The following KCNQ3 variants were observed in gnomAD, a reference collection of about 807,000 sequenced individuals.
KCNQ3 encodes the protein potassium voltage-gated channel subfamily KQT member 3.
Under a neutral mutation model 92.5 loss-of-function variants are expected in KCNQ3, and 30 were observed. That is an observed-to-expected ratio of 0.32 (90% CI 0.24 to 0.44). KCNQ3 has a LOEUF of 0.44. Ranked by LOEUF, KCNQ3 falls within the 20% of genes least tolerant of loss-of-function variation. The pLI, the probability that KCNQ3 is intolerant of heterozygous loss-of-function variation, is 1.00. For missense variants in KCNQ3, 913 were observed against 1,140.3 expected (o/e 0.80, Z 2.87); for synonymous variants, 450 against 468.8 (o/e 0.96, Z 0.52).
Position 132,277,854 on chromosome 8 carries a change from T to G in KCNQ3, c.387-91673A>C, listed in dbSNP as rs571422982. 19 of 724,336 alleles carry G rather than the reference T, an allele frequency of 2.6e-5. No individual in the cohort carries two copies. In the South Asian group the frequency reaches 1.1e-3, roughly 40 times the overall value. 44.9% of individuals were successfully genotyped at this position (724,336 alleles called of 1,614,324 possible). A position where few individuals can be genotyped will look rare whatever the true frequency, so the allele number is the denominator to read the frequency against. ...GAATCTTGCTCTCTAGAAACCAGGTTGTTGGAAGGTTTTTTCTTCTTTTTA... is the reference window on the plus strand; with the variant it reads ...GAATCTTGCTCTCTAGAAACCAGGTGGTTGGAAGGTTTTTTCTTCTTTTTA... On this transcript the variant is annotated intron_variant, in intron 1 of 14. Coordinates refer to ENST00000388996, the MANE Select transcript of KCNQ3 (RefSeq NM_004519.4).
chr8:132,339,064 G>C (rs1217970356), intron 1 of KCNQ3, among the ~76,000 whole-genome samples: 3 of 152,074 alleles, frequency 2.0e-5, no homozygotes, highest in Non-Finnish European at 4.4e-5. Flanking sequence ...GGATAAGATG[G>C]CATGGGAATT....
intron 1 of KCNQ3, among the ~76,000 whole-genome samples, chr8:132,313,242 C>T (rs1817646573): frequency 6.6e-6 from 1 of 152,136 alleles, no homozygotes; most frequent in Non-Finnish European, 1.5e-5. Context: ...AAAGAATGTG[C>T]TACAGAAGCC....
At chr8:132,187,665 G>A (rs973391614) in intron 1 of KCNQ3, among the ~76,000 whole-genome samples, 2 of 151,594 alleles carry the variant, frequency 1.3e-5, no homozygotes. Flanking sequence ...TGATGATAGT[G>A]GTGGTGGTGG....
intron 1 of KCNQ3, among the ~76,000 whole-genome samples, chr8:132,398,696 T>C (rs1451207209): frequency 6.6e-6 from 1 of 151,932 alleles, no homozygotes; most frequent in Non-Finnish European, 1.5e-5. Flanking sequence ...ATGCTTACAG[T>C]GCAAAGGTGG....
At chr8:132,456,286 G>A (rs1416954952) in intron 1 of KCNQ3, among the ~76,000 whole-genome samples, 1 of 152,170 alleles carries the variant, frequency 6.6e-6, no homozygotes, top group Non-Finnish European at 1.5e-5. Context: ...TGCAGCCTGG[G>A]GAGGGGTCCG....
At chr8:132,417,162 G>A (rs942924638) in intron 1 of KCNQ3, among the ~76,000 whole-genome samples, 10 of 152,308 alleles carry the variant, frequency 6.6e-5, no homozygotes, top group African/African-American at 2.4e-4. Context: ...ATCCCGTATA[G>A]AGACTATTTA....
intron 1 of KCNQ3, among the ~76,000 whole-genome samples, chr8:132,249,840 A>C (rs950428552): frequency 1.3e-5 from 2 of 152,142 alleles, no homozygotes; most frequent in Non-Finnish European, 2.9e-5. Flanking sequence ...TTCAAGCACA[A>C]CGTTGGTGAG....
chr8:132,365,664 C>T (rs528284765), intron 1 of KCNQ3, among the ~76,000 whole-genome samples: 2 of 152,254 alleles, frequency 1.3e-5, no homozygotes, highest in African/African-American at 4.8e-5. Flanking sequence ...TAAATGAATG[C>T]TGATAATAAA....
chr8:132,163,357 ACT>A (rs1344676285), intron 9 of KCNQ3, 109 bp downstream of exon 9: 2 of 892,354 alleles, frequency 2.2e-6, no homozygotes, highest in Non-Finnish European at 3.8e-6. Flanking sequence ...GACCCCAAAG[ACT>A]CTATCTTGGG....
intron 1 of KCNQ3, among the ~76,000 whole-genome samples, chr8:132,414,081 T>C (rs1032399638): frequency 1.3e-5 from 2 of 152,192 alleles, no homozygotes; most frequent in Non-Finnish European, 2.9e-5. Context: ...TAGTTAATAA[T>C]AGTGAGCACA....
At chr8:132,153,636 A>T (rs1825702563) in intron 9 of KCNQ3, among the ~76,000 whole-genome samples, 2 of 152,116 alleles carry the variant, frequency 1.3e-5, no homozygotes, top group Non-Finnish European at 2.9e-5. Flanking sequence ...ATATCACACT[A>T]GTATTCATGG....
chr8:132,218,429 T>C, intron 1 of KCNQ3, among the ~76,000 whole-genome samples: 1 of 152,230 alleles, frequency 6.6e-6, no homozygotes, highest in Non-Finnish European at 1.5e-5. Flanking sequence ...TCCTATGCTA[T>C]AATTCTAACC....
At chr8:132,145,449 T>C (rs1019398351) in intron 9 of KCNQ3, among the ~76,000 whole-genome samples, 4 of 152,244 alleles carry the variant, frequency 2.6e-5, no homozygotes, top group Admixed American at 2.6e-4. Flanking sequence ...GTAGTTTATA[T>C]TTCACTTAGG....
intron 1 of KCNQ3, among the ~76,000 whole-genome samples, chr8:132,315,569 T>C (rs1449950536): frequency 6.6e-6 from 1 of 151,880 alleles, no homozygotes; most frequent in Non-Finnish European, 1.5e-5. Context: ...AGTTTAAGTG[T>C]TTTTTTTCCA....
chr8:132,343,395 C>G (rs1052397035), intron 1 of KCNQ3, among the ~76,000 whole-genome samples: 3 of 152,130 alleles, frequency 2.0e-5, no homozygotes, highest in Non-Finnish European at 4.4e-5. Context: ...GAAACCAGTG[C>G]CCAGGCCTAA....
intron 1 of KCNQ3, among the ~76,000 whole-genome samples, chr8:132,217,660 A>G (rs1814081236): frequency 6.7e-6 from 1 of 148,746 alleles, no homozygotes; most frequent in Admixed American, 6.7e-5. Context: ...GCAGTGAGCC[A>G]AGATTGTGCC....
At chr8:132,293,758 G>A (rs1816925729) in intron 1 of KCNQ3, among the ~76,000 whole-genome samples, 1 of 152,140 alleles carries the variant, frequency 6.6e-6, no homozygotes, top group Non-Finnish European at 1.5e-5. Flanking sequence ...GAAGAGTCAG[G>A]CATGACACGT....
intron 1 of KCNQ3, among the ~76,000 whole-genome samples, chr8:132,432,329 G>A (rs1051146079): frequency 2.0e-5 from 3 of 150,282 alleles, no homozygotes; most frequent in Non-Finnish European, 3.0e-5. Flanking sequence ...AAGACATCTA[G>A]GGCCTAAGGC....
intron 9 of KCNQ3, among the ~76,000 whole-genome samples, chr8:132,144,600 T>C (rs1034744911): frequency 6.6e-6 from 1 of 152,204 alleles, no homozygotes; most frequent in Non-Finnish European, 1.5e-5. Flanking sequence ...GGACTGGGCA[T>C]GGAAAAGGAA....
Sources: allele counts gnomAD v4.1 joint callset (sites outside exome capture counted in the v4.1 genomes callset), GRCh38; gene constraint gnomAD v4.1.1; transcripts MANE v1.5; gene names NCBI Gene and HGNC (gene_info 2026-07-23, HGNC 2026-07-21).